Variants in AGBL1 observed in about 807,000 individuals in gnomAD.
AGBL1 encodes cytosolic carboxypeptidase 4.
AGBL1 carries 130 observed loss-of-function variants against 118.9 expected under a neutral mutation model. The observed-to-expected ratio is 1.09, with a 90% CI of 0.95 to 1.26. AGBL1 has a LOEUF of 1.26. Among genes scored for constraint, AGBL1 ranks in the 50% most tolerant of loss-of-function variants. The pLI is 0.00. For missense variants in AGBL1, 1,584 were observed against 1,298.1 expected, an observed-to-expected ratio of 1.22 and a Z score of -3.38; for synonymous variants, 555 against 478.9, an observed-to-expected ratio of 1.16 and a Z score of -2.08.
chr15:86,465,292 T>C (rs1258998257), intron 18 of AGBL1, among the ~76,000 whole-genome samples: 2 of 152,208 alleles, frequency 1.3e-5, no homozygotes, highest in Non-Finnish European at 2.9e-5. Flanking sequence ...TACTTTAATC[T>C]CTCAATCCTG....
At chr15:86,341,662 C>T (rs938057128) in intron 17 of AGBL1, among the ~76,000 whole-genome samples, 4 of 152,062 alleles carry the variant, frequency 2.6e-5, no homozygotes, top group African/African-American at 7.2e-5. Flanking sequence ...GTATCATTCT[C>T]GGGCACTACA....
intron 22 of AGBL1, among the ~76,000 whole-genome samples, chr15:86,698,625 T>TTTA: frequency 6.6e-6 from 1 of 150,750 alleles, no homozygotes; most frequent in East Asian, 2.0e-4. Flanking sequence ...TTTTTTTTTT[T>TTTA]AAAAAGAGAC....
intron 22 of AGBL1, among the ~76,000 whole-genome samples, chr15:86,688,878 A>G (rs1480771606): frequency 6.6e-6 from 1 of 152,034 alleles, no homozygotes; most frequent in Non-Finnish European, 1.5e-5. Context: ...ACTCTACTCC[A>G]GTATCCCCAG....
chr15:86,821,910 A>G (rs1365782467), intron 22 of AGBL1, among the ~76,000 whole-genome samples: 1 of 152,168 alleles, frequency 6.6e-6, no homozygotes, highest in East Asian at 1.9e-4. Context: ...GGATTTAACC[A>G]ATATCGCATG....
At chr15:86,691,569 G>A (rs1265679805) in intron 22 of AGBL1, among the ~76,000 whole-genome samples, 2 of 152,044 alleles carry the variant, frequency 1.3e-5, no homozygotes, top group African/African-American at 4.8e-5. Flanking sequence ...TGCATGAGAG[G>A]GAAAATGCCA....
At chr15:86,649,179 G>C (rs2085331323) in intron 21 of AGBL1, among the ~76,000 whole-genome samples, 1 of 152,126 alleles carries the variant, frequency 6.6e-6, no homozygotes, top group Non-Finnish European at 1.5e-5. Context: ...CTTAAAGAGT[G>C]TCATGGGTAG....
At chr15:86,210,479 A>G (rs1168906467) in intron 5 of AGBL1, among the ~76,000 whole-genome samples, 1 of 152,068 alleles carries the variant, frequency 6.6e-6, no homozygotes, top group Non-Finnish European at 1.5e-5. Flanking sequence ...GGTCTTTCCC[A>G]TAGTCCCATA....
chr15:86,850,749 GA>G (rs1013948731), intron 22 of AGBL1, among the ~76,000 whole-genome samples: 8 of 151,908 alleles, frequency 5.3e-5, no homozygotes, highest in Non-Finnish European at 8.8e-5. Context: ...TAGAAATGCT[GA>G]AAAAAATACT....
chr15:86,159,080 A>T, intron 5 of AGBL1, 54 bp downstream of exon 5: 1 of 1,508,366 alleles, frequency 6.6e-7, no homozygotes, highest in Non-Finnish European at 9.2e-7. Flanking sequence ...GGAGAGATGG[A>T]GATTGCCCTA....
intron 6 of AGBL1, among the ~76,000 whole-genome samples, chr15:86,235,256 T>C (rs923105523): frequency 6.6e-6 from 1 of 152,238 alleles, no homozygotes; most frequent in Non-Finnish European, 1.5e-5. Context: ...TCTTAAGCTA[T>C]TGACTCTAAT....
chr15:86,106,140 C>T (rs1339261466), intron 1 of AGBL1, among the ~76,000 whole-genome samples: 1 of 152,154 alleles, frequency 6.6e-6, no homozygotes, highest in African/African-American at 2.4e-5. Context: ...TATGATATAA[C>T]CTAGTATGCT....
At chr15:86,535,628 C>T (rs1285584593) in intron 19 of AGBL1, among the ~76,000 whole-genome samples, 1 of 152,164 alleles carries the variant, frequency 6.6e-6, no homozygotes, top group African/African-American at 2.4e-5. Context: ...CTGCCTTCTG[C>T]CAGAGGACAG....
At chr15:86,206,609 CTT>C (rs1238330258) in intron 5 of AGBL1, among the ~76,000 whole-genome samples, 1 of 152,196 alleles carries the variant, frequency 6.6e-6, no homozygotes, top group East Asian at 1.9e-4. Context: ...GCATAAATGT[CTT>C]CTTTTGAGAA....
intron 22 of AGBL1, among the ~76,000 whole-genome samples, chr15:86,820,573 G>GA (rs1416303404): frequency 6.6e-6 from 1 of 152,038 alleles, no homozygotes; most frequent in African/African-American, 2.4e-5. Flanking sequence ...AGAAACATAT[G>GA]AAAAAAAGCT....
chr15:86,530,828 T>A (rs1245504168), intron 19 of AGBL1, among the ~76,000 whole-genome samples: 10 of 118,038 alleles, frequency 8.5e-5, no homozygotes, highest in African/African-American at 3.4e-4. Flanking sequence ...CTCAACTACA[T>A]GGAAACTGAA....
At chr15:86,813,544 G>T (rs28711939) in intron 22 of AGBL1, among the ~76,000 whole-genome samples, 2,182 of 152,182 alleles carry the variant, frequency 0.014, 46 homozygotes, top group African/African-American at 0.049. Context: ...TTCCAAAGAG[G>T]ATAGCACTGA....
At chr15:86,179,329 T>G (rs1047586171) in intron 5 of AGBL1, among the ~76,000 whole-genome samples, 2 of 152,236 alleles carry the variant, frequency 1.3e-5, no homozygotes, top group Non-Finnish European at 2.9e-5. Flanking sequence ...AACCCAATTT[T>G]AGTAAATTGT....
chr15:86,735,036 C>T (rs781342188), intron 22 of AGBL1, among the ~76,000 whole-genome samples: 1 of 149,678 alleles, frequency 6.7e-6, no homozygotes, highest in Non-Finnish European at 1.5e-5. Context: ...GCATCATACT[C>T]AGTGTGAAAT....
In AGBL1 at chr15:86,926,496, A is replaced by G. The variant is rs146265676; in HGVS notation, c.3222-61491A>G. Reference sequence around the variant, plus strand: ...CATTTTGTTTGTGTTCAATGATATCATGACCTTGAACACGATGGATTTGAC... The same window carrying G: ...CATTTTGTTTGTGTTCAATGATATCGTGACCTTGAACACGATGGATTTGAC... On this transcript the variant is annotated intron_variant, in intron 23 of 24. Transcript: ENST00000441037. Among the ~76,000 whole-genome samples, 1,221 of 152,308 alleles carry G rather than the reference A, an allele frequency of 8.0e-3. 15 individuals are homozygous for G. Among genetic ancestry groups the G allele is most frequent in the Middle Eastern group, 0.034 (10 of 294 alleles).
Sources: allele counts gnomAD v4.1 joint callset (sites outside exome capture counted in the v4.1 genomes callset), GRCh38; gene constraint gnomAD v4.1.1; transcripts MANE v1.5; gene names NCBI Gene and HGNC (gene_info 2026-07-23, HGNC 2026-07-21).